The following PTPRA variants were observed in gnomAD, a reference collection of about 807,000 sequenced individuals.
PTPRA encodes the protein protein tyrosine phosphatase receptor type A, also known as receptor-type tyrosine-protein phosphatase alpha.
In PTPRA, 25 loss-of-function variants were observed where a neutral mutation model predicts 104.8. That is an observed-to-expected ratio of 0.24 (90% CI 0.17 to 0.33). The LOEUF (loss-of-function observed/expected upper bound fraction) is 0.33. PTPRA is among the 10% of genes least tolerant of loss of function. The pLI is 1.00. For missense variants in PTPRA, 765 were observed against 1,015.3 expected (o/e 0.75, Z 3.35); for synonymous variants, 323 against 368.9 (o/e 0.88, Z 1.43).
At chr20:2,924,199 G>A (rs1189135929) in intron 2 of PTPRA, among the ~76,000 whole-genome samples, 1 of 151,894 alleles carries the variant, frequency 6.6e-6, no homozygotes, top group Non-Finnish European at 1.5e-5. Flanking sequence ...GGGCAGATCA[G>A]TTGACCAGCC....
chr20:2,866,315 G>C, the PTPRA span: 1 of 1,614,118 alleles, frequency 6.2e-7, no homozygotes, highest in South Asian at 1.1e-5. Context: ...CTTCTTGTTG[G>C]GTGCGTCAAC....
At chr20:3,018,168 T>G (rs1049378374) in intron 13 of PTPRA, among the ~76,000 whole-genome samples, 1 of 152,248 alleles carries the variant, frequency 6.6e-6, no homozygotes, top group Non-Finnish European at 1.5e-5. Context: ...AGAGACTGAC[T>G]TGGGCCATCA....
At chr20:3,026,828 T>C in intron 18 of PTPRA, 48 bp downstream of exon 18, 1 of 1,437,440 alleles carries the variant, frequency 7.0e-7, no homozygotes, top group Admixed American at 1.7e-5. Context: ...CATCCCTCAA[T>C]TCCCTCCACC....
intron 2 of PTPRA, among the ~76,000 whole-genome samples, chr20:2,931,823 A>G (rs2060517410): frequency 6.6e-6 from 1 of 151,538 alleles, no homozygotes; most frequent in Non-Finnish European, 1.5e-5. Flanking sequence ...CCTCAAACGA[A>G]CCTCCTCCCT....
chr20:2,897,142 T>C (rs1384167360), intron 1 of PTPRA, among the ~76,000 whole-genome samples: 1 of 152,254 alleles, frequency 6.6e-6, no homozygotes, highest in Non-Finnish European at 1.5e-5. Context: ...GGTTAAGATG[T>C]TGGCTGGCAA....
chr20:2,907,311 GAA>G (rs200246403), intron 1 of PTPRA, among the ~76,000 whole-genome samples: 1 of 140,110 alleles, frequency 7.1e-6, no homozygotes, highest in African/African-American at 2.6e-5. Flanking sequence ...AAGCTGAAAA[GAA>G]AAAAAAAAAA....
chr20:2,905,988 G>A (rs190939291), intron 1 of PTPRA, among the ~76,000 whole-genome samples: 4 of 151,972 alleles, frequency 2.6e-5, no homozygotes, highest in Admixed American at 2.0e-4. Context: ...ACCTGACCTC[G>A]TAAAATTCTT....
At chr20:2,978,413 T>C (rs568185684) in intron 6 of PTPRA, among the ~76,000 whole-genome samples, 1 of 152,272 alleles carries the variant, frequency 6.6e-6, no homozygotes, top group Admixed American at 6.5e-5. Flanking sequence ...AGCTGATAAA[T>C]ACTTGTACCA....
chr20:3,015,961 C>G (rs1026433623), intron 12 of PTPRA, 76 bp downstream of exon 12: 15 of 1,370,456 alleles, frequency 1.1e-5, no homozygotes, highest in Non-Finnish European at 1.5e-5. Flanking sequence ...CTCCCAAATG[C>G]TGAGTGGATT....
chr20:2,906,008 A>G (rs1447226073), intron 1 of PTPRA, among the ~76,000 whole-genome samples: 1 of 152,166 alleles, frequency 6.6e-6, no homozygotes, highest in Non-Finnish European at 1.5e-5. Flanking sequence ...TAAACGATCT[A>G]TACTCAGTTG....
chr20:3,018,328 A>C (rs1049014944), intron 13 of PTPRA, among the ~76,000 whole-genome samples: 2 of 152,080 alleles, frequency 1.3e-5, no homozygotes, highest in African/African-American at 4.8e-5. Context: ...CAGATAAACA[A>C]GTGAACAAAG....
Position 2,949,399 on chromosome 20 carries a change from A to G in PTPRA, c.-7+1375A>G, listed in dbSNP as rs560656615. ...TTCTCGTAGGTTTTCTATGTAAACA[A>G]TCAGATTTTCTGCAAGTATTAGTCT... is the stretch of plus-strand genomic sequence containing the variant. On this transcript the variant is annotated intron_variant, in intron 3 of 23. Transcript: ENST00000399903. Among the ~76,000 whole-genome samples the G allele has an allele frequency of 5.3e-5, 8 of 151,888 alleles. No individual in the cohort carries two copies. In the East Asian group the frequency reaches 5.8e-4, roughly 11 times the overall value.
Position 2,908,715 on chromosome 20 carries a change from A to G in PTPRA, c.-128-14492A>G, listed in dbSNP as rs113801374. ...CAAGACCAGCCTTGGCAACATAGTGAGAGTCCATCTCTAGTTTTAAAAAAA... is the reference window on the plus strand; with the variant it reads ...CAAGACCAGCCTTGGCAACATAGTGGGAGTCCATCTCTAGTTTTAAAAAAA... On this transcript the variant is annotated intron_variant, in intron 1 of 23. Transcript: ENST00000399903. Among the ~76,000 whole-genome samples the G allele has an allele frequency of 6.7e-3, 1,024 of 152,240 alleles. 11 individuals carry two copies. The highest frequency in any genetic ancestry group is 0.023 in the African/African-American group (966 of 41,534).
At chr20:2,990,395 C>T (rs1291925680) in intron 9 of PTPRA, among the ~76,000 whole-genome samples, 1 of 152,122 alleles carries the variant, frequency 6.6e-6, no homozygotes, top group Non-Finnish European at 1.5e-5. Context: ...AATAAGGTTA[C>T]TGTGGTTGGC....
intron 5 of PTPRA, among the ~76,000 whole-genome samples, chr20:2,974,825 AAAG>A (rs1328304199): frequency 2.0e-5 from 3 of 152,210 alleles, no homozygotes; most frequent in Non-Finnish European, 2.9e-5. Flanking sequence ...TCGCCTTTGA[AAAG>A]AAGGTTTTCT....
chr20:2,932,448 A>C (rs534264545), intron 2 of PTPRA, among the ~76,000 whole-genome samples: 2 of 152,332 alleles, frequency 1.3e-5, no homozygotes, highest in Non-Finnish European at 2.9e-5. Context: ...ATTTGTAAAC[A>C]AAGGGGTATG....
At chr20:2,866,199 C>G in the PTPRA span, 1 of 1,613,662 alleles carries the variant, frequency 6.2e-7, no homozygotes, top group Non-Finnish European at 8.5e-7. Context: ...CCACCCGCTT[C>G]CTCTCCTCCA....
At chr20:2,960,696 C>G (rs558522691) in intron 3 of PTPRA, among the ~76,000 whole-genome samples, 74 of 152,114 alleles carry the variant, frequency 4.9e-4, no homozygotes, top group Non-Finnish European at 9.0e-4. Context: ...ACCACCATGC[C>G]CAGCTAAGTT....
intron 3 of PTPRA, among the ~76,000 whole-genome samples, chr20:2,957,000 T>C (rs763607501): frequency 6.6e-6 from 1 of 152,212 alleles, no homozygotes; most frequent in Non-Finnish European, 1.5e-5. Flanking sequence ...AAAAATGGTA[T>C]CTCAGCCAGG....
Sources: allele counts gnomAD v4.1 joint callset (sites outside exome capture counted in the v4.1 genomes callset), GRCh38; gene constraint gnomAD v4.1.1; transcripts MANE v1.5; gene names NCBI Gene and HGNC (gene_info 2026-07-23, HGNC 2026-07-21).